The following LMX1A variants were observed in gnomAD, a reference collection of about 807,000 sequenced individuals.
LMX1A encodes the protein LIM homeobox transcription factor 1-alpha.
A neutral mutation model predicts 49.1 loss-of-function variants in LMX1A; 15 were observed. The observed-to-expected ratio is 0.31, with a 90% CI of 0.20 to 0.47. The LOEUF (loss-of-function observed/expected upper bound fraction) is 0.47, where lower values mean the gene tolerates loss of function less well. LMX1A is among the 20% of genes least tolerant of loss of function. LMX1A has a pLI of 1.00. For synonymous variants in LMX1A, 167 were observed against 185.7 expected (o/e 0.90, Z 0.82); for missense variants, 372 against 475.8 (o/e 0.78, Z 2.03).
intron 4 of LMX1A, among the ~76,000 whole-genome samples, chr1:165,234,472 T>C (rs1652354817): frequency 6.6e-6 from 1 of 152,148 alleles, no homozygotes. Context: ...ATATTTTATT[T>C]TATTATAGGA....
At chr1:165,261,507 T>G (rs1429283489) in intron 3 of LMX1A, among the ~76,000 whole-genome samples, 3 of 152,194 alleles carry the variant, frequency 2.0e-5, no homozygotes, top group Non-Finnish European at 4.4e-5. Context: ...AAAATAGAAT[T>G]ACCATGTGAT....
At chr1:165,311,446 G>A (rs1032541440) in intron 3 of LMX1A, among the ~76,000 whole-genome samples, 1 of 152,220 alleles carries the variant, frequency 6.6e-6, no homozygotes, top group Non-Finnish European at 1.5e-5. Context: ...TGACACGACA[G>A]GAGTGGCCTG....
At chr1:165,339,113 A>G (rs1262005290) in intron 3 of LMX1A, among the ~76,000 whole-genome samples, 1 of 152,222 alleles carries the variant, frequency 6.6e-6, no homozygotes, top group Non-Finnish European at 1.5e-5. Flanking sequence ...AGAGGCAAAG[A>G]CAGAATTAAA....
intron 3 of LMX1A, among the ~76,000 whole-genome samples, chr1:165,346,955 T>C (rs146623061): frequency 6.6e-6 from 1 of 152,152 alleles, no homozygotes; most frequent in Non-Finnish European, 1.5e-5. Context: ...TTGGGGGGTG[T>C]TTGCTTCATT....
At chr1:165,206,474 C>A (rs1250093354) in intron 7 of LMX1A, among the ~76,000 whole-genome samples, 1 of 152,174 alleles carries the variant, frequency 6.6e-6, no homozygotes, top group East Asian at 1.9e-4. Context: ...GCAGGATTCA[C>A]TTCCTGCCTC....
chr1:165,226,042 T>G (rs1256259258), intron 4 of LMX1A, among the ~76,000 whole-genome samples: 1 of 152,218 alleles, frequency 6.6e-6, no homozygotes, highest in African/African-American at 2.4e-5. Flanking sequence ...ACAACCATCT[T>G]TTCCTCTTTA....
At chr1:165,339,960 G>A (rs923382864) in intron 3 of LMX1A, among the ~76,000 whole-genome samples, 1 of 152,022 alleles carries the variant, frequency 6.6e-6, no homozygotes, top group African/African-American at 2.4e-5. Context: ...TACCCCAAGT[G>A]GTATCTTTGC....
intron 3 of LMX1A, among the ~76,000 whole-genome samples, chr1:165,258,763 A>G (rs1253341171): frequency 6.6e-6 from 1 of 152,184 alleles, no homozygotes; most frequent in African/African-American, 2.4e-5. Flanking sequence ...AGACTAACTA[A>G]GTGCTTTTCT....
intron 3 of LMX1A, among the ~76,000 whole-genome samples, chr1:165,255,897 C>T (rs192584915): frequency 6.6e-5 from 10 of 151,230 alleles, no homozygotes; most frequent in Middle Eastern, 3.4e-3. Flanking sequence ...CGCTTGAACG[C>T]GGGAGGCAGA....
At chr1:165,339,500 C>T (rs923915278) in intron 3 of LMX1A, among the ~76,000 whole-genome samples, 3 of 152,152 alleles carry the variant, frequency 2.0e-5, no homozygotes, top group Non-Finnish European at 2.9e-5. Context: ...GAGGTCAGGC[C>T]GGTGAGCTTC....
At chr1:165,282,443 T>A (rs1654182164) in intron 3 of LMX1A, among the ~76,000 whole-genome samples, 1 of 152,232 alleles carries the variant, frequency 6.6e-6, no homozygotes, top group East Asian at 1.9e-4. Context: ...TAACACAACA[T>A]AAATGCTGTG....
chr1:165,338,497 G>C (rs1358198747), intron 3 of LMX1A, among the ~76,000 whole-genome samples: 2 of 152,220 alleles, frequency 1.3e-5, no homozygotes, highest in Non-Finnish European at 2.9e-5. Context: ...CAATCCCACT[G>C]TGTCCATGTT....
chr1:165,274,249 T>C (rs1653897892), intron 3 of LMX1A, among the ~76,000 whole-genome samples: 1 of 152,218 alleles, frequency 6.6e-6, no homozygotes, highest in Non-Finnish European at 1.5e-5. Flanking sequence ...CACACGTATG[T>C]ATTTGCACTT....
At chr1:165,226,343 T>G (rs1652035333) in intron 4 of LMX1A, among the ~76,000 whole-genome samples, 2 of 152,232 alleles carry the variant, frequency 1.3e-5, no homozygotes, top group African/African-American at 4.8e-5. Context: ...CATCTATTCC[T>G]GGACTGAGGC....
chr1:165,251,335 G>A (rs966191721), intron 3 of LMX1A, among the ~76,000 whole-genome samples: 7 of 152,062 alleles, frequency 4.6e-5, no homozygotes, highest in South Asian at 2.1e-4. Flanking sequence ...CTCCCACCTC[G>A]GCCTCCCAAA....
chr1:165,307,000 G>A (rs1229735251), intron 3 of LMX1A, among the ~76,000 whole-genome samples: 1 of 152,280 alleles, frequency 6.6e-6, no homozygotes. Flanking sequence ...GCAGAAGCCA[G>A]AGGCTGCGTC....
intron 6 of LMX1A, 151 bp downstream of exon 6, chr1:165,210,548 A>T: frequency 2.1e-6 from 1 of 473,594 alleles, no homozygotes; most frequent in East Asian, 3.3e-5. Flanking sequence ...CTGTGGCCAA[A>T]ATAATTATTG....
intron 4 of LMX1A, among the ~76,000 whole-genome samples, chr1:165,245,589 T>C (rs571096109): frequency 5.9e-5 from 9 of 151,344 alleles, no homozygotes; most frequent in Non-Finnish European, 1.0e-4. Context: ...AAATGCATCA[T>C]TTAAAATTAG....
At chr1:165,293,769 G>A (rs1172146629) in intron 3 of LMX1A, among the ~76,000 whole-genome samples, 2 of 152,108 alleles carry the variant, frequency 1.3e-5, no homozygotes, top group African/African-American at 4.8e-5. Context: ...AGAGTGGAAG[G>A]GATGACCAGC....
Sources: allele counts gnomAD v4.1 joint callset (sites outside exome capture counted in the v4.1 genomes callset), GRCh38; gene constraint gnomAD v4.1.1; transcripts MANE v1.5; gene names NCBI Gene and HGNC (gene_info 2026-07-23, HGNC 2026-07-21).